Variants in LSAMP observed in about 807,000 individuals in gnomAD.
LSAMP encodes the protein limbic system-associated membrane protein.
Under a neutral mutation model 38.6 loss-of-function variants are expected in LSAMP, and 7 were observed. The ratio of observed to expected loss-of-function variants is 0.18; its 90% CI spans 0.10 to 0.34. The LOEUF (loss-of-function observed/expected upper bound fraction) is 0.34. LSAMP is among the 10% of genes least tolerant of loss of function. The pLI is 1.00. For missense variants in LSAMP, 313 were observed against 420.0 expected (o/e 0.75, Z 2.23); for synonymous variants, 154 against 166.8 (o/e 0.92, Z 0.59).
chr3:115,951,676 C>T (rs1339431583), intron 3 of LSAMP, among the ~76,000 whole-genome samples: 1 of 152,074 alleles, frequency 6.6e-6, no homozygotes, highest in African/African-American at 2.4e-5. Context: ...CTGGTTTAGT[C>T]TTCTGGCCTA....
intron 3 of LSAMP, among the ~76,000 whole-genome samples, chr3:115,965,912 A>G (rs1222032214): frequency 6.6e-6 from 1 of 152,182 alleles, no homozygotes; most frequent in Non-Finnish European, 1.5e-5. Flanking sequence ...GTATGTATGT[A>G]TAAATTAATA....
chr3:115,842,694 T>G (rs1935035401), intron 4 of LSAMP, 116 bp from the exon 5 acceptor site: 2 of 1,306,446 alleles, frequency 1.5e-6, no homozygotes, highest in Non-Finnish European at 1.1e-6. Flanking sequence ...GGAGCCATCT[T>G]AAAGCTCCAT....
intron 1 of LSAMP, among the ~76,000 whole-genome samples, chr3:116,417,080 C>G (rs1309526778): frequency 2.6e-5 from 4 of 152,046 alleles, no homozygotes; most frequent in Non-Finnish European, 4.4e-5. Context: ...TGTATTTGTT[C>G]AAATCTCCCA....
intron 1 of LSAMP, among the ~76,000 whole-genome samples, chr3:116,275,433 T>C (rs1378664830): frequency 1.3e-5 from 2 of 152,194 alleles, no homozygotes; most frequent in Non-Finnish European, 2.9e-5. Context: ...ACCTTGGTCA[T>C]TTTTATAGGA....
intron 1 of LSAMP, among the ~76,000 whole-genome samples, chr3:116,254,912 C>T (rs1338248586): frequency 2.0e-5 from 3 of 152,116 alleles, no homozygotes; most frequent in African/African-American, 7.2e-5. Flanking sequence ...GAATTGATTT[C>T]TGATAGAAAA....
chr3:116,086,069 G>T (rs562964133), intron 2 of LSAMP, among the ~76,000 whole-genome samples: 1 of 152,124 alleles, frequency 6.6e-6, no homozygotes, highest in African/African-American at 2.4e-5. Context: ...GGCTTTTGCC[G>T]TGTGTTTTCA....
At chr3:115,889,432 T>C (rs1449038998) in intron 3 of LSAMP, among the ~76,000 whole-genome samples, 3 of 151,822 alleles carry the variant, frequency 2.0e-5, no homozygotes, top group Non-Finnish European at 4.4e-5. Context: ...TGGGGTTATA[T>C]TTAGGTAAGG....
chr3:116,110,997 G>T (rs1188436214), intron 1 of LSAMP, among the ~76,000 whole-genome samples: 3 of 152,034 alleles, frequency 2.0e-5, no homozygotes, highest in Non-Finnish European at 4.4e-5. Flanking sequence ...GGGGCGGGGG[G>T]TCACAAGGTG....
intron 1 of LSAMP, among the ~76,000 whole-genome samples, chr3:116,215,456 C>G (rs1475396830): frequency 6.6e-6 from 1 of 151,834 alleles, no homozygotes; most frequent in African/African-American, 2.4e-5. Flanking sequence ...CCCGCTGCTG[C>G]AAGAAGAAGA....
At chr3:115,828,125 A>C (rs530364871) in intron 6 of LSAMP, among the ~76,000 whole-genome samples, 2 of 152,208 alleles carry the variant, frequency 1.3e-5, no homozygotes, top group Admixed American at 1.3e-4. Context: ...AGTGAATGTC[A>C]ATACTATCAA....
intron 1 of LSAMP, among the ~76,000 whole-genome samples, chr3:116,116,290 C>T (rs763856706): frequency 1.3e-5 from 2 of 151,610 alleles, no homozygotes; most frequent in African/African-American, 2.4e-5. Flanking sequence ...TTTTCTTCTG[C>T]TCAAATCCTT....
chr3:116,266,875 CTAACAATAATAATAG>C (rs1318388975), intron 1 of LSAMP, among the ~76,000 whole-genome samples: 1 of 152,138 alleles, frequency 6.6e-6, no homozygotes, highest in African/African-American at 2.4e-5. Context: ...AACACTAATA[CTAACAATAATAATAG>C]TAAACACTAA....
intron 2 of LSAMP, among the ~76,000 whole-genome samples, chr3:116,082,748 G>A (rs1423886489): frequency 1.3e-5 from 2 of 152,104 alleles, no homozygotes; most frequent in African/African-American, 4.8e-5. Context: ...AACGTAGGTG[G>A]GGCTGTAGGC....
intron 2 of LSAMP, among the ~76,000 whole-genome samples, chr3:116,038,274 T>A (rs1941092447): frequency 6.6e-6 from 1 of 152,182 alleles, no homozygotes; most frequent in African/African-American, 2.4e-5. Flanking sequence ...ATACATGATG[T>A]CTGGAATATA....
At chr3:116,307,807 C>A (rs564179187) in intron 1 of LSAMP, among the ~76,000 whole-genome samples, 1 of 151,920 alleles carries the variant, frequency 6.6e-6, no homozygotes, top group Admixed American at 6.6e-5. Context: ...ATAAAATTGA[C>A]TATACAGCAT....
chr3:116,290,137 T>A (rs1047549318), intron 1 of LSAMP, among the ~76,000 whole-genome samples: 2 of 152,148 alleles, frequency 1.3e-5, no homozygotes, highest in African/African-American at 4.8e-5. Context: ...CACCTTTGAG[T>A]GGGTATACAA....
At chr3:116,271,059 GGTAA>G (rs2046965591) in intron 1 of LSAMP, among the ~76,000 whole-genome samples, 1 of 152,002 alleles carries the variant, frequency 6.6e-6, no homozygotes, top group Non-Finnish European at 1.5e-5. Flanking sequence ...TATAGGGTTA[GGTAA>G]ATACACATTA....
chr3:116,318,992 G>A (rs1481112630), intron 1 of LSAMP, among the ~76,000 whole-genome samples: 1 of 149,502 alleles, frequency 6.7e-6, no homozygotes, highest in Admixed American at 6.7e-5. Flanking sequence ...TACATTCTAA[G>A]CTAGTTATCG....
chr3:116,368,579 C>T (rs2048387533), intron 1 of LSAMP, among the ~76,000 whole-genome samples: 1 of 152,134 alleles, frequency 6.6e-6, no homozygotes, highest in African/African-American at 2.4e-5. Flanking sequence ...AGAAGCCTTG[C>T]TCTGAATCTA....
Sources: allele counts gnomAD v4.1 joint callset (sites outside exome capture counted in the v4.1 genomes callset), GRCh38; gene constraint gnomAD v4.1.1; transcripts MANE v1.5; gene names NCBI Gene and HGNC (gene_info 2026-07-23, HGNC 2026-07-21).